TTC28: variants seen among roughly 807,000 people sequenced by gnomAD.
The protein encoded by TTC28 is tetratricopeptide repeat domain 28, also known as tetratricopeptide repeat protein 28.
Under a neutral mutation model 198.0 loss-of-function variants are expected in TTC28, and 61 were observed. The observed-to-expected ratio is 0.31, with a 90% CI of 0.25 to 0.38. TTC28 has a LOEUF of 0.38. Among genes scored for constraint, TTC28 ranks in the 10% least tolerant of loss-of-function variants. TTC28 has a pLI of 1.00. For synonymous variants in TTC28, 1,171 were observed against 1,297.8 expected (o/e 0.90, Z 2.10); for missense variants, 2,678 against 3,164.0 (o/e 0.85, Z 3.69).
chr22:28,637,643 G>A (rs936892961), intron 1 of TTC28, among the ~76,000 whole-genome samples: 1 of 152,012 alleles, frequency 6.6e-6, no homozygotes, highest in Non-Finnish European at 1.5e-5. Context: ...AATGGCAATA[G>A]TAAGTCCTTA....
intron 2 of TTC28, among the ~76,000 whole-genome samples, chr22:28,355,934 AG>A (rs1478981177): frequency 6.6e-6 from 1 of 152,242 alleles, no homozygotes; most frequent in Non-Finnish European, 1.5e-5. Flanking sequence ...GCCACATTAA[AG>A]GGGCTCACAC....
At chr22:28,355,790 C>T (rs1322893381) in intron 2 of TTC28, among the ~76,000 whole-genome samples, 2 of 152,202 alleles carry the variant, frequency 1.3e-5, no homozygotes, top group East Asian at 1.9e-4. Context: ...AGATCTCACA[C>T]CCAACTATAG....
At position 28,542,703 on chromosome 22, in the gene TTC28, C is replaced by T. The variant is rs374015055; in HGVS notation, c.381+86849G>A. Among the ~76,000 whole-genome samples the T allele has an allele frequency of 5.9e-4, 90 of 151,912 alleles. No homozygotes were observed. The South Asian group carries it at 0.014, about 23-fold the overall frequency. On this transcript the variant is annotated intron_variant, in intron 2 of 22. Transcript: ENST00000397906. ...TAATCTAAGAGTCAAGGAATAAACA[C>T]GTAAGAGATAACAGAAAAGATTTTG...
At chr22:28,177,960 A>G (rs748376856) in intron 5 of TTC28, among the ~76,000 whole-genome samples, 9 of 152,202 alleles carry the variant, frequency 5.9e-5, no homozygotes, top group Non-Finnish European at 1.3e-4. Context: ...ACAGAACTGT[A>G]CAATACAAAG....
At chr22:28,260,716 G>A (rs570083618) in intron 5 of TTC28, among the ~76,000 whole-genome samples, 43 of 152,104 alleles carry the variant, frequency 2.8e-4, no homozygotes, top group Non-Finnish European at 5.4e-4. Flanking sequence ...AACTTGTTTG[G>A]CATGATTTGG....
In TTC28 at chr22:28,297,654, G is replaced by A. The variant is rs879164089; in HGVS notation, c.728C>T (p.Ala243Val). 2 of 1,551,682 alleles carry A rather than the reference G, an allele frequency of 1.3e-6. No individual in the cohort carries two copies. The highest frequency in any genetic ancestry group is 1.2e-5 in the South Asian group (1 of 84,060). Residue 243 changes from alanine to valine, a missense_variant, in exon 4 of 23, where the codon GCT becomes GTT. Ala to Val is a moderately conservative substitution (Grantham distance 64). Around this residue, in one of 8 missense-constraint regions of TTC28, gnomAD observed 36 missense variants for 78.7 expected, o/e 0.46. Transcript: ENST00000397906. ...CTCTGTATTTCCAAGAGACCAGTAA[G>A]CACTGCTCAGGGCAGAGAAAACAGA... The part of the protein sequence containing the change: ...RGSVFSALSS[A>V]YWSLGNTEKS...
At chr22:28,252,536 C>A (rs1244584162) in intron 5 of TTC28, among the ~76,000 whole-genome samples, 1 of 152,186 alleles carries the variant, frequency 6.6e-6, no homozygotes, top group East Asian at 1.9e-4. Flanking sequence ...CAGAGAGAAG[C>A]CATTTACTTG....
At chr22:28,007,077 A>C (rs796318776) in intron 14 of TTC28, 1 of 152,294 alleles carries the variant, frequency 6.6e-6, no homozygotes, top group Non-Finnish European at 1.5e-5. Flanking sequence ...TTTCAGACTG[A>C]TTAGACTTGG....
intron 2 of TTC28, among the ~76,000 whole-genome samples, chr22:28,587,095 G>A (rs1463735506): frequency 1.3e-5 from 2 of 152,048 alleles, no homozygotes; most frequent in East Asian, 1.9e-4. Flanking sequence ...GGTGGCGGGC[G>A]CCTATAGGCC....
chr22:28,160,088 G>A lies in TTC28; in HGVS notation c.1441+3004C>T, dbSNP rs545348324. On this transcript the variant is annotated intron_variant, in intron 6 of 22. Coordinates refer to ENST00000397906, the MANE Select transcript of TTC28 (RefSeq NM_001145418.2). ...GGTAGTGGGGGCACTGCAGGGAGAG[G>A]TGGGAATGGCTAATGGGTATCAAAA... 9.2e-5 allele frequency among the ~76,000 whole-genome samples: 14 copies of A among 152,304 alleles called. No individual in the cohort carries two copies. In the South Asian group the frequency reaches 2.9e-3, roughly 32 times the overall value.
intron 2 of TTC28, among the ~76,000 whole-genome samples, chr22:28,545,517 T>C (rs888082954): frequency 2.4e-4 from 36 of 152,188 alleles, no homozygotes; most frequent in African/African-American, 7.7e-4. Context: ...AGTTTGGGGC[T>C]ACAGTGAGCT....
chr22:28,563,890 C>T (rs2049929530), intron 2 of TTC28, among the ~76,000 whole-genome samples: 1 of 152,088 alleles, frequency 6.6e-6, no homozygotes, highest in Non-Finnish European at 1.5e-5. Flanking sequence ...GTGAAAACAG[C>T]CCAACTGTCC....
intron 7 of TTC28, among the ~76,000 whole-genome samples, chr22:28,106,200 C>T (rs760480880): frequency 3.3e-5 from 5 of 152,202 alleles, no homozygotes; most frequent in Non-Finnish European, 7.3e-5. Flanking sequence ...CTTCTCAGAG[C>T]ACTCTGTGGG....
chr22:28,086,804 T>C (rs950804152), intron 12 of TTC28, among the ~76,000 whole-genome samples: 10 of 151,588 alleles, frequency 6.6e-5, no homozygotes, highest in East Asian at 1.9e-4. Flanking sequence ...ATCAAATAGA[T>C]GCAATAAAAA....
intron 1 of TTC28, among the ~76,000 whole-genome samples, chr22:28,644,621 T>C (rs1376256971): frequency 6.6e-6 from 1 of 151,932 alleles, no homozygotes; most frequent in East Asian, 1.9e-4. Flanking sequence ...GCTCAGGAGT[T>C]CAAGACCAGC....
At chr22:28,469,646 T>C (rs1601437154) in intron 2 of TTC28, among the ~76,000 whole-genome samples, 1 of 151,904 alleles carries the variant, frequency 6.6e-6, no homozygotes, top group East Asian at 1.9e-4. Context: ...AAAGAGAATA[T>C]GAATAAAGGC....
chr22:28,061,762 T>G (rs1008932285), intron 12 of TTC28, among the ~76,000 whole-genome samples: 2 of 152,206 alleles, frequency 1.3e-5, no homozygotes, highest in Non-Finnish European at 1.5e-5. Flanking sequence ...AAGAAAGTCA[T>G]TGGTAGCTTG....
intron 1 of TTC28, among the ~76,000 whole-genome samples, chr22:28,633,288 AAAAAGAAAAAG>A (rs1362869337): frequency 4.0e-5 from 6 of 150,728 alleles, no homozygotes; most frequent in Admixed American, 1.3e-4. Context: ...CTCAAAAAAA[AAAAAGAAAAAG>A]AAAAAGAAAA....
chr22:28,364,175 G>A (rs2046207332), intron 2 of TTC28, among the ~76,000 whole-genome samples: 1 of 152,186 alleles, frequency 6.6e-6, no homozygotes, highest in South Asian at 2.1e-4. Flanking sequence ...ACTGAATCAT[G>A]TGGGCAAGTC....
Sources: gnomAD v4.1 joint callset for allele counts (sites outside exome capture counted in the v4.1 genomes callset) on GRCh38, gnomAD v4.1.1 for gene constraint, gnomAD v4.1.1 regional missense constraint, MANE v1.5 for transcripts, NCBI Gene and HGNC (gene_info 2026-07-23, HGNC 2026-07-21) for gene names.